The following AFG2A variants were observed in gnomAD, a reference collection of about 807,000 sequenced individuals.
AFG2A encodes ATPase family gene 2 protein homolog A.
At chr4:123,275,670 C>T in the AFG2A span, among the ~76,000 whole-genome samples, 10 of 151,950 alleles carry the variant, frequency 6.6e-5, no homozygotes, top group Non-Finnish European at 1.5e-4. Context: ...TCAAGTAGGC[C>T]CCAGTGTCTG....
At chr4:122,930,991 T>C in the AFG2A span, among the ~76,000 whole-genome samples, 20 of 152,264 alleles carry the variant, frequency 1.3e-4, no homozygotes, top group East Asian at 3.9e-3. Context: ...TAACTTCCAG[T>C]TGGGAAAATC....
the AFG2A span, among the ~76,000 whole-genome samples, chr4:123,011,930 A>G: frequency 1.4e-5 from 2 of 144,876 alleles, no homozygotes; most frequent in Non-Finnish European, 3.0e-5. Flanking sequence ...CTTCCCAGGA[A>G]AGTGGAGAAG....
the AFG2A span, among the ~76,000 whole-genome samples, chr4:123,158,513 A>G: frequency 6.6e-6 from 1 of 152,234 alleles, no homozygotes; most frequent in East Asian, 1.9e-4. Flanking sequence ...TGAATAAAAC[A>G]TCACTTCAGT....
chr4:123,227,520 T>C, the AFG2A span, among the ~76,000 whole-genome samples: 1 of 152,190 alleles, frequency 6.6e-6, no homozygotes, highest in African/African-American at 2.4e-5. Context: ...GTTGAGCGGT[T>C]TTGAGTGAGT....
chr4:123,055,631 A>T, the AFG2A span, among the ~76,000 whole-genome samples: 1 of 152,188 alleles, frequency 6.6e-6, no homozygotes, highest in African/African-American at 2.4e-5. Flanking sequence ...TGGACCCGTG[A>T]TCTGCATGGA....
chr4:123,017,557 A>G, the AFG2A span, among the ~76,000 whole-genome samples: 7 of 151,662 alleles, frequency 4.6e-5, no homozygotes, highest in Non-Finnish European at 8.8e-5. Flanking sequence ...TTAAAGAAGC[A>G]TTTGGAAATT....
At chr4:123,215,243 A>G in the AFG2A span, among the ~76,000 whole-genome samples, 1 of 152,090 alleles carries the variant, frequency 6.6e-6, no homozygotes, top group Non-Finnish European at 1.5e-5. Context: ...AATTGACATA[A>G]CAGATTTGCC....
the AFG2A span, among the ~76,000 whole-genome samples, chr4:122,978,016 A>G: frequency 6.6e-6 from 1 of 151,602 alleles, no homozygotes; most frequent in East Asian, 1.9e-4. Flanking sequence ...GGAGACCCAG[A>G]GTGGGTAGCT....
chr4:122,951,437 C>CACACAA, the AFG2A span, among the ~76,000 whole-genome samples: 1 of 146,540 alleles, frequency 6.8e-6, no homozygotes, highest in Non-Finnish European at 1.5e-5. Flanking sequence ...CCAAAGTACA[C>CACACAA]ACACACACAC....
At chr4:122,927,685 T>G in the AFG2A span, 1 of 1,613,028 alleles carries the variant, frequency 6.2e-7, no homozygotes, top group Non-Finnish European at 8.5e-7. Flanking sequence ...CATCTTGGAC[T>G]CAACACTATG....
chr4:123,102,204 C>T, the AFG2A span: 19 of 148,354 alleles, frequency 1.3e-4, no homozygotes, highest in African/African-American at 4.5e-4. Flanking sequence ...CCCAGACTTT[C>T]TTGTTACTGT....
At chr4:123,254,347 T>C in the AFG2A span, among the ~76,000 whole-genome samples, 46 of 152,302 alleles carry the variant, frequency 3.0e-4, no homozygotes, top group South Asian at 7.0e-3. Flanking sequence ...TTTCTAGTAT[T>C]CACAGTACCA....
chr4:123,229,738 G>C, the AFG2A span, among the ~76,000 whole-genome samples: 1 of 151,870 alleles, frequency 6.6e-6, no homozygotes, highest in South Asian at 2.1e-4. Context: ...AAAATTATTA[G>C]ATATCTTTAT....
At chr4:123,171,595 A>G in the AFG2A span, among the ~76,000 whole-genome samples, 4 of 152,234 alleles carry the variant, frequency 2.6e-5, no homozygotes, top group East Asian at 5.8e-4. Flanking sequence ...ATATCATAGC[A>G]TTTTCACATT....
the AFG2A span, among the ~76,000 whole-genome samples, chr4:122,929,698 C>G: frequency 8.2e-5 from 3 of 36,606 alleles, no homozygotes; most frequent in African/African-American, 1.5e-4. Context: ...GACTGTGTCT[C>G]AAAGAAAAAA....
the AFG2A span, among the ~76,000 whole-genome samples, chr4:122,957,794 T>C: frequency 6.6e-6 from 1 of 152,316 alleles, no homozygotes; most frequent in South Asian, 2.1e-4. Flanking sequence ...GTCACAATCA[T>C]TACACTGATC....
the AFG2A span, among the ~76,000 whole-genome samples, chr4:123,263,316 T>C: frequency 2.0e-5 from 3 of 152,192 alleles, no homozygotes; most frequent in African/African-American, 7.2e-5. Context: ...GAGCAACATT[T>C]CAGCCCCTAT....
chr4:122,994,899 A>G, the AFG2A span, among the ~76,000 whole-genome samples: 1 of 152,098 alleles, frequency 6.6e-6, no homozygotes, highest in Admixed American at 6.6e-5. Context: ...TTATATGAAT[A>G]ATCAACTGTC....
the AFG2A span, among the ~76,000 whole-genome samples, chr4:123,259,102 G>A: frequency 6.6e-6 from 1 of 152,140 alleles, no homozygotes; most frequent in Admixed American, 6.5e-5. Flanking sequence ...CCTGACCTCA[G>A]GTGATCCGCC....
Sources: allele counts gnomAD v4.1 joint callset (sites outside exome capture counted in the v4.1 genomes callset), GRCh38; gene constraint gnomAD v4.1.1; transcripts MANE v1.5; gene names NCBI Gene and HGNC (gene_info 2026-07-23, HGNC 2026-07-21).